SH3RF3: variants seen among roughly 807,000 people sequenced by gnomAD.
The protein encoded by SH3RF3 is SH3 domain containing ring finger 3.
A neutral mutation model predicts 66.3 loss-of-function variants in SH3RF3; 29 were observed. That is an observed-to-expected ratio of 0.44 (90% CI 0.33 to 0.60). SH3RF3 has a LOEUF of 0.60. Among genes scored for constraint, SH3RF3 ranks in the 20% least tolerant of loss-of-function variants. The pLI, the probability that SH3RF3 is intolerant of heterozygous loss-of-function variation, is 0.04. For missense variants in SH3RF3, 1,194 were observed against 1,190.9 expected, an observed-to-expected ratio of 1.00 and a Z score of -0.04; for synonymous variants, 583 against 532.0, an observed-to-expected ratio of 1.10 and a Z score of -1.32.
At chr2:109,481,537 T>A (rs1678833789) in intron 8 of SH3RF3, among the ~76,000 whole-genome samples, 1 of 152,014 alleles carries the variant, frequency 6.6e-6, no homozygotes, top group Admixed American at 6.5e-5. Context: ...CAGAAGGCTG[T>A]AGATGCGTAG....
intron 8 of SH3RF3, among the ~76,000 whole-genome samples, chr2:109,464,126 GTTTC>G (rs1325182209): frequency 6.6e-6 from 1 of 152,182 alleles, no homozygotes; most frequent in Non-Finnish European, 1.5e-5. Context: ...GGATCATTCA[GTTTC>G]TTCTAAAATA....
At chr2:109,406,834 C>A (rs28398348) in intron 4 of SH3RF3, among the ~76,000 whole-genome samples, 1 of 152,102 alleles carries the variant, frequency 6.6e-6, no homozygotes, top group African/African-American at 2.4e-5. Context: ...TCTGCTCATG[C>A]GCATTTCAGT....
chr2:109,374,860 A>G (rs1345479953), intron 3 of SH3RF3, among the ~76,000 whole-genome samples: 1 of 152,174 alleles, frequency 6.6e-6, no homozygotes, highest in Non-Finnish European at 1.5e-5. Flanking sequence ...CCATCAGCGC[A>G]GCTCAGGCCA....
At chr2:109,368,628 CTT>C (rs769769186) in intron 2 of SH3RF3, among the ~76,000 whole-genome samples, 2 of 147,040 alleles carry the variant, frequency 1.4e-5, no homozygotes, top group Non-Finnish European at 3.0e-5. Flanking sequence ...ATTTATACTT[CTT>C]GTCTTATTTT....
At position 109,381,033 on chromosome 2, in the gene SH3RF3, T is replaced by C. The variant is rs549612610; in HGVS notation, c.945+9352T>C. Reference sequence around the variant, plus strand: ...CTGTGTTGGCTTTAAGCAGTAGTTGTGAAATTGTGTGTCAGGAAGAGGGCT... The same window carrying C: ...CTGTGTTGGCTTTAAGCAGTAGTTGCGAAATTGTGTGTCAGGAAGAGGGCT... On this transcript the variant is annotated intron_variant, in intron 3 of 9. Coordinates refer to ENST00000309415, the MANE Select transcript of SH3RF3 (RefSeq NM_001099289.3). Among the ~76,000 whole-genome samples the C allele has an allele frequency of 2.0e-5, 3 of 152,318 alleles. No homozygotes were observed. In the South Asian group the frequency reaches 6.2e-4, roughly 32 times the overall value.
chr2:109,184,555 T>C (rs1420483142), intron 1 of SH3RF3, among the ~76,000 whole-genome samples: 1 of 152,190 alleles, frequency 6.6e-6, no homozygotes, highest in Non-Finnish European at 1.5e-5. Context: ...TTGCTTAGCT[T>C]TGAGCCCCTC....
intron 1 of SH3RF3, among the ~76,000 whole-genome samples, chr2:109,206,078 G>A (rs1678802697): frequency 1.3e-5 from 2 of 152,188 alleles, no homozygotes; most frequent in Admixed American, 1.3e-4. Context: ...GGTGGGCATT[G>A]TATGACCTGC....
intron 1 of SH3RF3, among the ~76,000 whole-genome samples, chr2:109,345,955 C>A (rs1323164377): frequency 1.3e-5 from 2 of 152,192 alleles, no homozygotes; most frequent in Non-Finnish European, 2.9e-5. Context: ...ATCTTCAGAC[C>A]AAATTGTCCC....
chr2:109,207,882 G>A (rs1678877465), intron 1 of SH3RF3, among the ~76,000 whole-genome samples: 2 of 152,096 alleles, frequency 1.3e-5, no homozygotes, highest in South Asian at 2.1e-4. Context: ...TTGGCCTATG[G>A]CAGTTTCCCT....
intron 1 of SH3RF3, among the ~76,000 whole-genome samples, chr2:109,340,753 G>C (rs1307311977): frequency 6.6e-6 from 1 of 152,176 alleles, no homozygotes; most frequent in East Asian, 1.9e-4. Flanking sequence ...AAGCACGGAA[G>C]GGCAGATTTG....
intron 1 of SH3RF3, among the ~76,000 whole-genome samples, chr2:109,235,737 C>T (rs1292801155): frequency 6.6e-6 from 1 of 152,216 alleles, no homozygotes; most frequent in Non-Finnish European, 1.5e-5. Context: ...GAAGTGTGAG[C>T]TCTGATGACA....
chr2:109,210,240 G>T (rs901648381), intron 1 of SH3RF3, among the ~76,000 whole-genome samples: 3 of 152,232 alleles, frequency 2.0e-5, no homozygotes, highest in Admixed American at 1.3e-4. Context: ...CCTTTTGGCT[G>T]TTGGGAATAA....
intron 1 of SH3RF3, among the ~76,000 whole-genome samples, chr2:109,209,758 G>T (rs1678925070): frequency 6.6e-6 from 1 of 152,142 alleles, no homozygotes. Context: ...AGAGTAAATG[G>T]TTTGTTCACC....
intron 5 of SH3RF3, among the ~76,000 whole-genome samples, chr2:109,425,504 G>T (rs2104542713): frequency 6.6e-6 from 1 of 152,296 alleles, no homozygotes; most frequent in East Asian, 1.9e-4. Context: ...CTTGTTAGGG[G>T]CTAATGCAGC....
rs1679451444 is a variant in SH3RF3 at position 109,503,564 on chromosome 2, CTATT to C, written c.*1896_*1899del. 6.6e-6 allele frequency: 1 copy of C among 152,184 alleles called. No homozygotes were observed. Among genetic ancestry groups the C allele is most frequent in the African/African-American group, 2.4e-5 (1 of 41,426 alleles). The allele number at this position is 152,184 out of a possible 1,614,324, so 9.4% of individuals were successfully genotyped here. On this transcript the variant is annotated 3_prime_UTR_variant, in exon 10 of 10. Coordinates refer to ENST00000309415, the MANE Select transcript of SH3RF3 (RefSeq NM_001099289.3). ...CAGGTTAATGACAACCAAAAGCTCT[CTATT>C]TACCATTATTGCCAAACTTCATCAG...
chr2:109,152,606 T>C (rs899088092), intron 1 of SH3RF3, among the ~76,000 whole-genome samples: 1 of 152,266 alleles, frequency 6.6e-6, no homozygotes, highest in Non-Finnish European at 1.5e-5. Flanking sequence ...CAGATTTATA[T>C]TTAAAGCTGT....
At chr2:109,314,941 C>T (rs1187407648) in intron 1 of SH3RF3, among the ~76,000 whole-genome samples, 1 of 152,180 alleles carries the variant, frequency 6.6e-6, no homozygotes, top group Admixed American at 6.5e-5. Flanking sequence ...CCGTATGAAT[C>T]TCATTCTTGG....
chr2:109,408,649 ACT>A (rs1433120673), intron 4 of SH3RF3, among the ~76,000 whole-genome samples: 1 of 152,204 alleles, frequency 6.6e-6, no homozygotes, highest in Non-Finnish European at 1.5e-5. Flanking sequence ...CCGCACTGGC[ACT>A]CTCAGACAGA....
At chr2:109,390,820 C>G (rs1675969543) in intron 3 of SH3RF3, among the ~76,000 whole-genome samples, 1 of 152,172 alleles carries the variant, frequency 6.6e-6, no homozygotes. Context: ...ATGAGCCTGG[C>G]CCAGGGTGTG....
Sources: gnomAD v4.1 joint callset for allele counts (sites outside exome capture counted in the v4.1 genomes callset) on GRCh38, gnomAD v4.1.1 for gene constraint, MANE v1.5 for transcripts, NCBI Gene and HGNC (gene_info 2026-07-23, HGNC 2026-07-21) for gene names.